EFR3B: variants seen among roughly 807,000 people sequenced by gnomAD.
EFR3B encodes the protein EFR3 homolog B.
EFR3B carries 64 observed loss-of-function variants against 104.7 expected under a neutral mutation model. That is an observed-to-expected ratio of 0.61 (90% CI 0.50 to 0.75). The LOEUF is 0.75. Ranked by LOEUF, EFR3B falls within the 30% of genes least tolerant of loss-of-function variation. The probability of loss-of-function intolerance (pLI) is 0.00; values close to 1 mark genes in which losing one functional copy is unlikely to be tolerated. For missense variants in EFR3B, 750 were observed against 1,078.5 expected (o/e 0.70, Z 4.27); for synonymous variants, 385 against 417.9 (o/e 0.92, Z 0.96).
Position 25,154,614 on chromosome 2 carries a change from T to C in EFR3B, c.*274T>C, listed in dbSNP as rs1671108647. 1 of 411,318 alleles carries C rather than the reference T, an allele frequency of 2.4e-6. No individual in the cohort carries two copies. Among genetic ancestry groups the C allele is most frequent in the African/African-American group, 2.1e-5 (1 of 48,680 alleles). The allele number at this position is 411,318 out of a possible 1,614,324, so 25.5% of individuals were successfully genotyped here. On this transcript the variant is annotated 3_prime_UTR_variant, in exon 23 of 23. Coordinates refer to ENST00000403714, the MANE Select transcript of EFR3B (RefSeq NM_014971.2). This position sits in a 1 kb window ranked among gnomAD's most constrained non-coding sequence, Gnocchi z 4.1. ...CAGCCAGGGGCAGAGAATCATGGGG[T>C]GTCTCTCAGGAGAAGCCGGGGGGAG...
chr2:25,097,716 C>T (rs912280766), intron 3 of EFR3B, among the ~76,000 whole-genome samples: 4 of 152,196 alleles, frequency 2.6e-5, no homozygotes, highest in South Asian at 4.1e-4. Context: ...CAGCAAAAAC[C>T]GAGCAGTCCT....
At position 25,158,913 on chromosome 2, in the gene EFR3B, CT is replaced by C. The variant is rs1671246019; in HGVS notation, c.*4574del. The C allele has an allele frequency of 6.6e-6, 1 of 152,176 alleles. No individual in the cohort carries two copies. Among genetic ancestry groups the C allele is most frequent in the Non-Finnish European group, 1.5e-5 (1 of 68,054 alleles). 9.4% of individuals were successfully genotyped at this position (152,176 alleles called of 1,614,324 possible). A position where few individuals can be genotyped will look rare whatever the true frequency, so the allele number is the denominator to read the frequency against. On this transcript the variant is annotated 3_prime_UTR_variant, in exon 23 of 23. Coordinates refer to ENST00000403714, the MANE Select transcript of EFR3B (RefSeq NM_014971.2). ...AGTTGACAATATGTGTATATAATAG[CT>C]GGTGTATTTATATGTGAGTGCAGAA...
intron 12 of EFR3B, 139 bp downstream of exon 12, chr2:25,133,573 A>G (rs1670441612): frequency 1.1e-6 from 1 of 951,288 alleles, no homozygotes; most frequent in Admixed American, 2.0e-5. Flanking sequence ...TCGGGGCTGA[A>G]ATCTAGCCTA....
intron 19 of EFR3B, chr2:25,145,984 T>C (rs986270782): frequency 1.3e-5 from 2 of 151,918 alleles, no homozygotes; most frequent in African/African-American, 4.8e-5. Context: ...CGTAATGACA[T>C]GCATCCCCCA....
intron 5 of EFR3B, among the ~76,000 whole-genome samples, chr2:25,124,753 A>T: frequency 6.9e-6 from 1 of 145,736 alleles, no homozygotes; most frequent in African/African-American, 2.5e-5. Context: ...AAAAAAAAAA[A>T]AAAAAAAAAA....
intron 1 of EFR3B, among the ~76,000 whole-genome samples, chr2:25,068,307 T>C (rs990009727): frequency 3.9e-5 from 6 of 152,150 alleles, no homozygotes; most frequent in Non-Finnish European, 8.8e-5. Flanking sequence ...ACTGAGGAGC[T>C]GAAACTTAGA....
chr2:25,151,309 G>A (rs1357963017), intron 20 of EFR3B, among the ~76,000 whole-genome samples: 1 of 152,036 alleles, frequency 6.6e-6, no homozygotes, highest in Non-Finnish European at 1.5e-5. Flanking sequence ...AGGCTAGAGT[G>A]CAATGGCGTG....
intron 1 of EFR3B, among the ~76,000 whole-genome samples, chr2:25,051,680 G>A (rs1371528249): frequency 1.8e-4 from 26 of 145,712 alleles, no homozygotes; most frequent in Non-Finnish European, 3.6e-4. Context: ...GTGTCGCCCA[G>A]GCTGGAGCTC....
rs1671252204 is a variant in EFR3B, at chr2:25,159,077, G to A, written c.*4737G>A. The A allele has an allele frequency of 2.0e-5, 3 of 152,288 alleles. 1 individual carries two copies. Among genetic ancestry groups the A allele is most frequent in the South Asian group, 4.1e-4 (2 of 4,830 alleles). The allele number at this position is 152,288 out of a possible 1,614,324, so 9.4% of individuals were successfully genotyped here. A position where few individuals can be genotyped will look rare whatever the true frequency, so the allele number is the denominator to read the frequency against. ...AAATCATTCTCTAGGACTATTAGTC[G>A]CGATCTCCCAGTGAGCCATCACGAT... On this transcript the variant is annotated 3_prime_UTR_variant, in exon 23 of 23. Coordinates refer to ENST00000403714, the MANE Select transcript of EFR3B (RefSeq NM_014971.2).
chr2:25,061,816 C>CA (rs1270595708), intron 1 of EFR3B, among the ~76,000 whole-genome samples: 1 of 150,428 alleles, frequency 6.6e-6, no homozygotes, highest in African/African-American at 2.4e-5. Context: ...AAAAAAAAAA[C>CA]AAAAAACTAA....
Position 25,058,764 on chromosome 2 carries a change from GCC to G in EFR3B, c.7+16455_7+16456del, listed in dbSNP as rs35001093. On this transcript the variant is annotated intron_variant, in intron 1 of 22. Transcript: ENST00000403714. ...ACAGAGTGAGACTCTGTCTCCCCGC[GCC>G]CCCCCCCCCAAAAAAAAAAACAATA... 4.9e-3 allele frequency among the ~76,000 whole-genome samples: 525 copies of G among 106,344 alleles called. 17 individuals are homozygous for G. Among genetic ancestry groups the G allele is most frequent in the African/African-American group, 0.025 (509 of 20,530 alleles). 69.8% of individuals were successfully genotyped at this position (106,344 alleles called of 152,430 possible).
intron 1 of EFR3B, chr2:25,079,881 C>A: frequency 7.9e-7 from 1 of 1,270,706 alleles, no homozygotes; most frequent in Non-Finnish European, 1.1e-6. Flanking sequence ...ACACCTTCAG[C>A]CATCCTCTGG....
chr2:25,058,529 C>A (rs1381159991), intron 1 of EFR3B, among the ~76,000 whole-genome samples: 1 of 152,086 alleles, frequency 6.6e-6, no homozygotes, highest in Non-Finnish European at 1.5e-5. Context: ...GAGGCCGAGG[C>A]AGGCAGATCA....
At chr2:25,101,024 G>C (rs948729299) in intron 3 of EFR3B, among the ~76,000 whole-genome samples, 2 of 152,166 alleles carry the variant, frequency 1.3e-5, no homozygotes, top group Non-Finnish European at 2.9e-5. Context: ...ACCTTTATTT[G>C]TGCCATCAGG....
chr2:25,055,492 T>G (rs1406751567), intron 1 of EFR3B, among the ~76,000 whole-genome samples: 1 of 152,148 alleles, frequency 6.6e-6, no homozygotes, highest in Non-Finnish European at 1.5e-5. Flanking sequence ...CTTATTACCG[T>G]GCAGAAGGAC....
intron 17 of EFR3B, among the ~76,000 whole-genome samples, chr2:25,143,023 G>A (rs974524477): frequency 5.9e-5 from 9 of 151,356 alleles, no homozygotes; most frequent in Non-Finnish European, 8.8e-5. Context: ...CGAGGCGGGC[G>A]GGTCACGAGG....
intron 6 of EFR3B, among the ~76,000 whole-genome samples, chr2:25,129,392 C>T (rs1001818646): frequency 6.6e-6 from 1 of 150,436 alleles, no homozygotes; most frequent in African/African-American, 2.4e-5. Context: ...GTTCGTATGC[C>T]ATCTGGTGGC....
chr2:25,110,789 G>A (rs749249692), intron 4 of EFR3B, among the ~76,000 whole-genome samples: 5 of 152,150 alleles, frequency 3.3e-5, no homozygotes, highest in South Asian at 2.1e-4. Flanking sequence ...TTAATATGTC[G>A]TCTAAATCCA....
At chr2:25,093,878 T>C (rs1258826712) in intron 3 of EFR3B, among the ~76,000 whole-genome samples, 1 of 152,202 alleles carries the variant, frequency 6.6e-6, no homozygotes, top group East Asian at 1.9e-4. Context: ...GTGAAATATT[T>C]ATCAATCTTC....
Sources: gnomAD v4.1 joint callset for allele counts (sites outside exome capture counted in the v4.1 genomes callset) on GRCh38, gnomAD v4.1.1 for gene constraint, Gnocchi (gnomAD v3.1) non-coding constraint, MANE v1.5 for transcripts, NCBI Gene and HGNC (gene_info 2026-07-23, HGNC 2026-07-21) for gene names.